The following TAF1 variants were observed in gnomAD, a reference collection of about 807,000 sequenced individuals.
The protein encoded by TAF1 is transcription initiation factor TFIID subunit 1.
In TAF1, 2 loss-of-function variants were observed where a neutral mutation model predicts 138.5. The ratio of observed to expected loss-of-function variants is 0.01; its 90% confidence interval spans 0.01 to 0.05. TAF1 has a LOEUF of 0.05. Ranked by LOEUF, TAF1 falls within the 10% of genes least tolerant of loss-of-function variation. The pLI, the probability that TAF1 is intolerant of heterozygous loss-of-function variation, is 1.00. For synonymous variants in TAF1, 437 were observed against 503.2 expected (o/e 0.87, Z 1.76); for missense variants, 709 against 1,478.0 (o/e 0.48, Z 8.53).
intron 19 of TAF1, 42 bp from the exon 20 acceptor site, chrX:71,392,833 A>T: frequency 8.3e-7 from 1 of 1,206,314 alleles, no homozygotes; most frequent in African/African-American, 1.7e-5. Flanking sequence ...CTTAAAAGGA[A>T]TTCAGGTTTT....
chrX:71,391,208 A>G (rs1433967248), intron 18 of TAF1, among the ~76,000 whole-genome samples: 4 of 111,495 alleles, frequency 3.6e-5, no homozygotes, highest in Non-Finnish European at 5.6e-5. Flanking sequence ...CTTGAGGTTC[A>G]TGAAAAAGTA....
In TAF1 at chrX:71,378,998, A is replaced by G; in HGVS notation, c.1327A>G (p.Thr443Ala). The change falls in exon 8 of 38, where the codon ACT (threonine) becomes GCT (alanine). Residue 443 changes from threonine (T) to alanine (A), a missense_variant. By Grantham distance (58) the Thr-to-Ala change is moderately conservative. Around this residue, in one of 14 missense-constraint regions of TAF1, gnomAD observed 201 missense variants for 421.3 expected, o/e 0.48. Coordinates refer to ENST00000423759, the MANE Select transcript of TAF1 (RefSeq NM_004606.5). ...SLAGWLPSSM[T>A]RNAMAYNVQQ... ...GGCAGGCTGGCTTCCTTCTAGCATG[A>G]CTAGGAATGCGATGGCTTACAATGT... is the stretch of plus-strand genomic sequence containing the variant. 8.3e-7 allele frequency: 1 copy of G among 1,210,474 alleles called. No individual in the cohort carries two copies. Among genetic ancestry groups the G allele is most frequent in the Non-Finnish European group, 1.1e-6 (1 of 895,270 alleles).
In TAF1 at chrX:71,366,372, A is replaced by G; in HGVS notation, c.-3A>G. On this transcript the variant is annotated 5_prime_UTR_variant, in exon 1 of 38. Transcript: ENST00000423759. The stretch of plus-strand genomic sequence containing the variant: ...AGCAGCTACCATCACTGCTGCCGCC[A>G]TCATGTCAGACACGGACAGCGACGA... The G allele has an allele frequency of 8.3e-7, 1 of 1,210,870 alleles. No homozygotes were observed. The highest frequency in any genetic ancestry group is 1.8e-5 in the South Asian group (1 of 56,944).
chrX:71,523,373 T>G (rs1450178229), intron 13 of TAF1, among the ~76,000 whole-genome samples: 1 of 111,000 alleles, frequency 9.0e-6, no homozygotes, highest in Non-Finnish European at 1.9e-5. Context: ...CATAATGTTG[T>G]GCTACCTATG....
At chrX:71,512,584 G>A (rs1020324031) in intron 13 of TAF1, among the ~76,000 whole-genome samples, 7 of 111,465 alleles carry the variant, frequency 6.3e-5, no homozygotes, top group African/African-American at 2.3e-4. Context: ...TTGGGAGGCC[G>A]AGGCAGGTGG....
At chrX:71,401,835 G>A in intron 25 of TAF1, 96 bp downstream of exon 25, 1 of 846,267 alleles carries the variant, frequency 1.2e-6, no homozygotes, top group Non-Finnish European at 1.7e-6. Context: ...GTTCTCTGAA[G>A]TGGAACTGAA....
At chrX:71,389,517 G>A in intron 17 of TAF1, 68 bp from the exon 18 acceptor site, 1 of 898,759 alleles carries the variant, frequency 1.1e-6, no homozygotes, top group Non-Finnish European at 1.6e-6. Flanking sequence ...CTTGTATTCA[G>A]TAAAAAAAAA....
At chrX:71,442,982 GTAT>G (rs1000945563) in intron 32 of TAF1, among the ~76,000 whole-genome samples, 11 of 111,573 alleles carry the variant, frequency 9.9e-5, no homozygotes, top group Non-Finnish European at 2.1e-4. Flanking sequence ...TAGATGTGTG[GTAT>G]TATTTCTGAG....
intron 32 of TAF1, 110 bp downstream of exon 32, chrX:71,424,348 AC>A (rs1388021491): frequency 1.5e-5 from 8 of 530,356 alleles, no homozygotes; most frequent in African/African-American, 2.5e-5. Context: ...TTGCTCTCTT[AC>A]CCAGGCTGGA....
chrX:71,403,980 G>A (rs1309895722), intron 25 of TAF1, among the ~76,000 whole-genome samples: 1 of 97,095 alleles, frequency 1.0e-5, no homozygotes, highest in Non-Finnish European at 2.1e-5. Flanking sequence ...AGATGTTTTT[G>A]TGTTTTTTCT....
At chrX:71,375,558 A>C (rs1345208182) in intron 4 of TAF1, among the ~76,000 whole-genome samples, 1 of 111,882 alleles carries the variant, frequency 8.9e-6, no homozygotes, top group Non-Finnish European at 1.9e-5. Flanking sequence ...CTTTAAAAAA[A>C]AAAAACAAAT....
At chrX:71,449,599 C>T (rs1377234983) in intron 32 of TAF1, among the ~76,000 whole-genome samples, 1 of 111,964 alleles carries the variant, frequency 8.9e-6, no homozygotes, top group African/African-American at 3.2e-5. Context: ...GTTTAAGTTT[C>T]GAAACTAAAG....
intron 13 of TAF1, among the ~76,000 whole-genome samples, chrX:71,511,585 T>C (rs1266464553): frequency 8.9e-6 from 1 of 112,859 alleles, no homozygotes; most frequent in Non-Finnish European, 1.9e-5. Context: ...TCCACTGTTA[T>C]TCATTCCTTT....
intron 13 of TAF1, among the ~76,000 whole-genome samples, chrX:71,516,550 G>C (rs1413894870): frequency 9.2e-6 from 1 of 108,774 alleles, no homozygotes; most frequent in Non-Finnish European, 1.9e-5. Flanking sequence ...ATTGAGGTAG[G>C]AGGATCACTT....
In TAF1 at chrX:71,388,317, T is replaced by C; in HGVS notation, c.2508T>C (p.Pro836=). ...IRMEDIKKAF[P]SHSESSIRKR... ...TGGAAGATATAAAAAAAGCCTTTCCTTCCCATTCAGAAAGCAGCATCCGGA... is the reference window on the plus strand; with the variant it reads ...TGGAAGATATAAAAAAAGCCTTTCCCTCCCATTCAGAAAGCAGCATCCGGA... The change falls in exon 16 of 38, where the codon CCT becomes CCC. Residue 836 remains proline, a synonymous_variant. Coordinates refer to ENST00000423759, the MANE Select transcript of TAF1 (RefSeq NM_004606.5). The C allele has an allele frequency of 8.3e-7, 1 of 1,212,016 alleles. No individual in the cohort carries two copies. Among genetic ancestry groups the C allele is most frequent in the Non-Finnish European group, 1.1e-6 (1 of 895,594 alleles).
At chrX:71,478,380 AC>A (rs2039015751) in intron 13 of TAF1, among the ~76,000 whole-genome samples, 1 of 110,568 alleles carries the variant, frequency 9.0e-6, no homozygotes, top group Non-Finnish European at 1.9e-5. Context: ...ATCCTGGCCA[AC>A]TGCGGTGGCT....
At chrX:71,389,832 T>C (rs1238803114) in intron 18 of TAF1, 167 bp downstream of exon 18, 4 of 366,667 alleles carry the variant, frequency 1.1e-5, no homozygotes, top group African/African-American at 8.1e-5. Flanking sequence ...ATATCAAATA[T>C]TATATTTTAT....
chrX:71,412,906 A>G (rs756345520), intron 28 of TAF1, among the ~76,000 whole-genome samples: 18 of 110,992 alleles, frequency 1.6e-4, no homozygotes, highest in African/African-American at 5.6e-4. Context: ...AATTTTTTTT[A>G]TTTGTCAGGC....
At chrX:71,441,126 C>T (rs2148713943) in intron 32 of TAF1, among the ~76,000 whole-genome samples, 1 of 110,763 alleles carries the variant, frequency 9.0e-6, no homozygotes, top group Non-Finnish European at 1.9e-5. Flanking sequence ...GTCTCGAACT[C>T]CTGGCTTCAA....
Sources: allele counts gnomAD v4.1 joint callset (sites outside exome capture counted in the v4.1 genomes callset), GRCh38; gene constraint gnomAD v4.1.1; regional missense constraint gnomAD v4.1.1; transcripts MANE v1.5; gene names NCBI Gene and HGNC (gene_info 2026-07-23, HGNC 2026-07-21).